Variants in MCC observed in about 807,000 individuals in gnomAD.
The protein encoded by MCC is colorectal mutant cancer protein.
MCC carries 90 observed loss-of-function variants against 116.2 expected under a neutral mutation model. The observed-to-expected ratio is 0.77, with a 90% CI of 0.65 to 0.92. The LOEUF is 0.92. Among genes scored for constraint, MCC ranks in the 40% least tolerant of loss-of-function variants. The probability of loss-of-function intolerance (pLI) is 0.00; values close to 1 mark genes in which losing one functional copy is unlikely to be tolerated. For synonymous variants in MCC, 578 were observed against 510.5 expected, an observed-to-expected ratio of 1.13 and a Z score of -1.78; for missense variants, 1,516 against 1,312.2, an observed-to-expected ratio of 1.16 and a Z score of -2.40.
chr5:113,220,528 G>A lies in MCC; in HGVS notation c.628-69106C>T, dbSNP rs117823800. Among the ~76,000 whole-genome samples the A allele has an allele frequency of 4.8e-4, 73 of 152,098 alleles. 1 individual carries two copies. The East Asian group carries it at 0.012, about 25-fold the overall frequency. Reference sequence around the variant, plus strand: ...TTAATGTTTGTATTTTTTAGTGCACGATCTTGCACATCTGTTGTCAAATTT... The same window carrying A: ...TTAATGTTTGTATTTTTTAGTGCACAATCTTGCACATCTGTTGTCAAATTT... On this transcript the variant is annotated intron_variant, in intron 3 of 18. Coordinates refer to ENST00000408903, the MANE Select transcript of MCC (RefSeq NM_001085377.2).
chr5:113,440,910 G>A (rs1385767959), intron 1 of MCC, among the ~76,000 whole-genome samples: 4 of 152,194 alleles, frequency 2.6e-5, no homozygotes, highest in Non-Finnish European at 5.9e-5. Flanking sequence ...TAGTGTGACA[G>A]GGACAACCAT....
At chr5:113,332,206 T>C (rs753831451) in intron 3 of MCC, among the ~76,000 whole-genome samples, 3 of 151,378 alleles carry the variant, frequency 2.0e-5, no homozygotes, top group Non-Finnish European at 4.4e-5. Context: ...TTTGAGACAA[T>C]GTCTTGCTAT....
intron 3 of MCC, among the ~76,000 whole-genome samples, chr5:113,290,982 T>C (rs905863835): frequency 6.6e-6 from 1 of 152,252 alleles, no homozygotes; most frequent in Non-Finnish European, 1.5e-5. Flanking sequence ...GTTACTGCTA[T>C]GAATTCCTTT....
At chr5:113,104,912 A>C (rs1756643148) in intron 6 of MCC, among the ~76,000 whole-genome samples, 1 of 152,244 alleles carries the variant, frequency 6.6e-6, no homozygotes, top group South Asian at 2.1e-4. Flanking sequence ...GGGAAAAATA[A>C]ACTGTTCTAA....
intron 3 of MCC, among the ~76,000 whole-genome samples, chr5:113,332,903 A>C (rs1035631219): frequency 6.6e-6 from 1 of 151,686 alleles, no homozygotes; most frequent in Non-Finnish European, 1.5e-5. Context: ...AAGAGCACCC[A>C]GTAATCTTTT....
At chr5:113,138,720 C>A (rs1758997566) in intron 5 of MCC, among the ~76,000 whole-genome samples, 1 of 152,154 alleles carries the variant, frequency 6.6e-6, no homozygotes, top group African/African-American at 2.4e-5. Context: ...TTTTGAAGCT[C>A]CATGGGTTAT....
At chr5:113,322,536 G>A (rs1045534594) in intron 3 of MCC, among the ~76,000 whole-genome samples, 2 of 152,144 alleles carry the variant, frequency 1.3e-5, no homozygotes, top group Admixed American at 1.3e-4. Flanking sequence ...ATTAAATAAA[G>A]AGAAAATCAA....
intron 1 of MCC, among the ~76,000 whole-genome samples, chr5:113,443,991 T>TTGTGTGTGTGTGTGTGTGTGTGTGTG (rs34145955): frequency 2.8e-5 from 4 of 144,084 alleles, no homozygotes; most frequent in African/African-American, 1.1e-4. Flanking sequence ...CTCGGCTAAT[T>TTGTGTGTGTGTGTGTGTGTGTGTGTG]TGTGTGTGTG....
At chr5:113,268,182 C>T (rs1561495474) in intron 3 of MCC, among the ~76,000 whole-genome samples, 2 of 152,192 alleles carry the variant, frequency 1.3e-5, no homozygotes, top group African/African-American at 2.4e-5. Flanking sequence ...ATCCTAAAGA[C>T]GTCCGAAACT....
rs147422208 is a variant in MCC at position 113,042,354 on chromosome 5, G to A, written c.2756+1176C>T. On this transcript the variant is annotated intron_variant, in intron 17 of 18. Coordinates refer to ENST00000408903, the MANE Select transcript of MCC (RefSeq NM_001085377.2). ...GCCAGGTGTGGGGGCATGCACCTGTGGTCCTAGCTACTTGGGAGGCTGGGG... is the reference window on the plus strand; with the variant it reads ...GCCAGGTGTGGGGGCATGCACCTGTAGTCCTAGCTACTTGGGAGGCTGGGG... 9.4e-3 allele frequency among the ~76,000 whole-genome samples: 1,398 copies of A among 148,198 alleles called. 19 individuals are homozygous for A. The highest frequency in any genetic ancestry group is 0.033 in the African/African-American group (1,329 of 40,230).
intron 11 of MCC, among the ~76,000 whole-genome samples, chr5:113,075,085 C>T (rs1347405155): frequency 6.6e-6 from 1 of 152,202 alleles, no homozygotes; most frequent in African/African-American, 2.4e-5. Flanking sequence ...CGTGGGCCAG[C>T]ACGAGTTCCA....
At chr5:113,485,540 T>A (rs1188783608) in intron 1 of MCC, among the ~76,000 whole-genome samples, 2 of 152,074 alleles carry the variant, frequency 1.3e-5, no homozygotes, top group African/African-American at 4.8e-5. Flanking sequence ...CAGGCACAAC[T>A]TATTTCCACT....
intron 2 of MCC, among the ~76,000 whole-genome samples, chr5:113,378,374 C>T (rs1202860799): frequency 3.3e-5 from 5 of 152,066 alleles, no homozygotes; most frequent in African/African-American, 1.2e-4. Flanking sequence ...TGAAGGCTGA[C>T]ACATCAGGTG....
At chr5:113,247,968 T>C (rs1764638645) in intron 3 of MCC, among the ~76,000 whole-genome samples, 1 of 151,822 alleles carries the variant, frequency 6.6e-6, no homozygotes, top group African/African-American at 2.4e-5. Context: ...GAGCCTAACC[T>C]TGAGGGTGAA....
intron 1 of MCC, among the ~76,000 whole-genome samples, chr5:113,412,371 C>A (rs1770016616): frequency 6.6e-6 from 1 of 152,154 alleles, no homozygotes; most frequent in South Asian, 2.1e-4. Context: ...GCAGTATGGT[C>A]ATTTTCACAA....
chr5:113,467,122 C>T (rs947586415), intron 1 of MCC, among the ~76,000 whole-genome samples: 13 of 150,614 alleles, frequency 8.6e-5, no homozygotes, highest in African/African-American at 2.5e-4. Flanking sequence ...AATTTTCTCC[C>T]ATTCTGTAGG....
rs542540502 is a variant in MCC at position 113,427,319 on chromosome 5, T to C, written c.171-42107A>G. ...TAAAAACATTTCCCAAATGCTTATG[T>C]GGACTGCTGCTGATACAAACTGCTG... On this transcript the variant is annotated intron_variant, in intron 1 of 18. Coordinates refer to ENST00000408903, the MANE Select transcript of MCC (RefSeq NM_001085377.2). 1.3e-3 allele frequency among the ~76,000 whole-genome samples: 195 copies of C among 152,342 alleles called. 1 individual carries two copies. Among genetic ancestry groups the C allele is most frequent in the African/African-American group, 4.5e-3 (187 of 41,582 alleles).
At chr5:113,411,456 C>T (rs255863) in intron 1 of MCC, among the ~76,000 whole-genome samples, 95,292 of 151,978 alleles carry the variant, frequency 0.63, 32,543 homozygotes, top group African/African-American at 0.91. Flanking sequence ...ATGGGGTTAT[C>T]TGCTTTTTTC....
chr5:113,282,439 A>T (rs1261310785), intron 3 of MCC, among the ~76,000 whole-genome samples: 1 of 152,216 alleles, frequency 6.6e-6, no homozygotes, highest in Non-Finnish European at 1.5e-5. Context: ...GATGCCCAAA[A>T]TGAGAAACAG....
Sources: allele counts gnomAD v4.1 joint callset (sites outside exome capture counted in the v4.1 genomes callset), GRCh38; gene constraint gnomAD v4.1.1; transcripts MANE v1.5; gene names NCBI Gene and HGNC (gene_info 2026-07-23, HGNC 2026-07-21).